Variants in CNTNAP4 observed in about 807,000 individuals in gnomAD.
CNTNAP4 encodes contactin-associated protein-like 4.
A neutral mutation model predicts 148.4 loss-of-function variants in CNTNAP4; 98 were observed. The observed-to-expected ratio is 0.66, with a 90% CI of 0.56 to 0.78. The LOEUF is 0.78. Ranked by LOEUF, CNTNAP4 falls within the 30% of genes least tolerant of loss-of-function variation. CNTNAP4 has a pLI of 0.00. For synonymous variants in CNTNAP4, 730 were observed against 565.1 expected (o/e 1.29, Z -4.14); for missense variants, 1,935 against 1,565.6 (o/e 1.24, Z -3.98).
chr16:76,426,606 A>T (rs941233224), intron 3 of CNTNAP4, among the ~76,000 whole-genome samples: 1 of 152,176 alleles, frequency 6.6e-6, no homozygotes, highest in African/African-American at 2.4e-5. Flanking sequence ...GGGCTGCAGT[A>T]TGTGGGTTTT....
At chr16:76,433,800 G>C (rs937522164) in intron 4 of CNTNAP4, among the ~76,000 whole-genome samples, 1 of 152,102 alleles carries the variant, frequency 6.6e-6, no homozygotes, top group Non-Finnish European at 1.5e-5. Context: ...AAAAGCTGGA[G>C]TAAGGTGAAT....
At chr16:76,515,364 A>G (rs1361611537) in intron 15 of CNTNAP4, among the ~76,000 whole-genome samples, 1 of 152,176 alleles carries the variant, frequency 6.6e-6, no homozygotes, top group Non-Finnish European at 1.5e-5. Flanking sequence ...CATTAAGGTA[A>G]ATGAGGTGGT....
intron 3 of CNTNAP4, among the ~76,000 whole-genome samples, chr16:76,392,787 T>G (rs1281453066): frequency 6.6e-6 from 1 of 152,196 alleles, no homozygotes; most frequent in African/African-American, 2.4e-5. Flanking sequence ...GAACATGTCC[T>G]CATTACCTGG....
In CNTNAP4 at chr16:76,349,639, C is replaced by T. The variant is rs868761748; in HGVS notation, c.197-5679C>T. 8.6e-5 allele frequency among the ~76,000 whole-genome samples: 13 copies of T among 151,826 alleles called. No homozygotes were observed. In the Middle Eastern group the frequency reaches 0.014, roughly 159 times the overall value. ...ACTCTTGGGGAAATCTAGATGAAATCGCATTTGAAAAAAAAGTAATTATCT... is the reference window on the plus strand; with the variant it reads ...ACTCTTGGGGAAATCTAGATGAAATTGCATTTGAAAAAAAAGTAATTATCT... On this transcript the variant is annotated intron_variant, in intron 2 of 23. Transcript: ENST00000611870.
At chr16:76,447,954 A>G (rs1056576563) in intron 4 of CNTNAP4, 58 bp from the exon 5 acceptor site, 7 of 1,289,144 alleles carry the variant, frequency 5.4e-6, no homozygotes, top group Non-Finnish European at 1.1e-6. Context: ...TGCATTTAAA[A>G]TGATTTAATG....
At chr16:76,297,196 T>C (rs1293631836) in intron 1 of CNTNAP4, among the ~76,000 whole-genome samples, 2 of 152,362 alleles carry the variant, frequency 1.3e-5, no homozygotes, top group East Asian at 1.9e-4. Flanking sequence ...TGGCACTGTT[T>C]AGCTAAATCT....
chr16:76,399,717 A>G (rs1483173715), intron 3 of CNTNAP4, among the ~76,000 whole-genome samples: 1 of 152,220 alleles, frequency 6.6e-6, no homozygotes, highest in African/African-American at 2.4e-5. Context: ...AGTTAAAAAG[A>G]AATCTATAAT....
intron 3 of CNTNAP4, among the ~76,000 whole-genome samples, chr16:76,409,765 G>C (rs1163100777): frequency 6.6e-6 from 1 of 151,876 alleles, no homozygotes; most frequent in Non-Finnish European, 1.5e-5. Flanking sequence ...AGCATATAGA[G>C]AGGCGTTGCT....
At position 76,523,875 on chromosome 16, in the gene CNTNAP4, A is replaced by T. The variant is rs113989242; in HGVS notation, c.2755+1618A>T. Among the ~76,000 whole-genome samples, 10 of 152,292 alleles carry T rather than the reference A, an allele frequency of 6.6e-5. 1 individual carries two copies. Among genetic ancestry groups the T allele is most frequent in the African/African-American group, 2.4e-4 (10 of 41,568 alleles). On this transcript the variant is annotated intron_variant, in intron 17 of 23. Coordinates refer to ENST00000611870, the MANE Select transcript of CNTNAP4 (RefSeq NM_033401.5). ...AACCCAGTAATTGGAGGCTGTGGTGAACTATGATCACGCTACTGCACTCCA... is the reference window on the plus strand; with the variant it reads ...AACCCAGTAATTGGAGGCTGTGGTGTACTATGATCACGCTACTGCACTCCA...
In CNTNAP4 at chr16:76,425,863, A is replaced by G. The variant is rs1199097555; in HGVS notation, c.391-1589A>G. ...GTTTAGATTTTGTTCTAAGTGGCAAAGAAAGTGTTGGGGATGGCATAGTTT... is the reference window on the plus strand; with the variant it reads ...GTTTAGATTTTGTTCTAAGTGGCAAGGAAAGTGTTGGGGATGGCATAGTTT... On this transcript the variant is annotated intron_variant, in intron 3 of 23. Coordinates refer to ENST00000611870, the MANE Select transcript of CNTNAP4 (RefSeq NM_033401.5). Among the ~76,000 whole-genome samples the G allele has an allele frequency of 3.9e-5, 6 of 152,286 alleles. No individual in the cohort carries two copies. In the East Asian group the frequency reaches 1.2e-3, roughly 29 times the overall value.
In CNTNAP4 at chr16:76,499,469, A is replaced by G. The variant is rs1384022253; in HGVS notation, c.2365+775A>G. Among the ~76,000 whole-genome samples, 4 of 152,054 alleles carry G rather than the reference A, an allele frequency of 2.6e-5. No homozygotes were observed. The East Asian group carries it at 7.7e-4, about 29-fold the overall frequency. ...GGCTACTAGATTTGGTAATTCAGCC[A>G]GACTTCCTACTAATTTATTACAACG... On this transcript the variant is annotated intron_variant, in intron 15 of 23. Coordinates refer to ENST00000611870, the MANE Select transcript of CNTNAP4 (RefSeq NM_033401.5).
intron 1 of CNTNAP4, among the ~76,000 whole-genome samples, chr16:76,298,515 T>C (rs1028381781): frequency 2.0e-5 from 3 of 149,758 alleles, no homozygotes; most frequent in South Asian, 4.2e-4. Flanking sequence ...TGTGTGTGTG[T>C]GTGTGTGTGT....
chr16:76,454,303 C>A (rs2080638549), intron 8 of CNTNAP4, among the ~76,000 whole-genome samples: 1 of 152,040 alleles, frequency 6.6e-6, no homozygotes, highest in Non-Finnish European at 1.5e-5. Context: ...TTAGTTGAGA[C>A]AGGGTTTCTC....
intron 21 of CNTNAP4, among the ~76,000 whole-genome samples, chr16:76,541,137 T>C (rs941858029): frequency 1.3e-5 from 2 of 152,200 alleles, no homozygotes; most frequent in Non-Finnish European, 2.9e-5. Flanking sequence ...ATATACAAAC[T>C]TTCCTCTAAT....
intron 21 of CNTNAP4, among the ~76,000 whole-genome samples, chr16:76,543,886 T>C (rs1018212683): frequency 3.3e-5 from 5 of 152,168 alleles, no homozygotes; most frequent in Non-Finnish European, 5.9e-5. Flanking sequence ...TCCGCACTTA[T>C]CAAATATGTT....
At chr16:76,407,328 T>C (rs1166744654) in intron 3 of CNTNAP4, among the ~76,000 whole-genome samples, 1 of 152,078 alleles carries the variant, frequency 6.6e-6, no homozygotes, top group Non-Finnish European at 1.5e-5. Context: ...CCCTTGTTTT[T>C]GAAGAAATAC....
rs186301340 is a variant in CNTNAP4 at position 76,521,448 on chromosome 16, T to C, written c.2536+138T>C. The C allele has an allele frequency of 8.0e-3, 4,996 of 624,528 alleles. 31 individuals carry two copies. The highest frequency in any genetic ancestry group is 0.011 in the Non-Finnish European group (4,253 of 387,884). The allele number at this position is 624,528 out of a possible 1,614,324, so 38.7% of individuals were successfully genotyped here. A position where few individuals can be genotyped will look rare whatever the true frequency, so the allele number is the denominator to read the frequency against. On this transcript the variant is annotated intron_variant, in intron 16 of 23. Coordinates refer to ENST00000611870, the MANE Select transcript of CNTNAP4 (RefSeq NM_033401.5). ...CGCCCCTTTGAAAAACTCAATAATA[T>C]TAACTTATCCTGTTTGTAAGAAAAT...
chr16:76,382,189 G>GTAAT, intron 3 of CNTNAP4, among the ~76,000 whole-genome samples: 1 of 150,776 alleles, frequency 6.6e-6, no homozygotes. Flanking sequence ...TTACTGTAGA[G>GTAAT]TAATATACAC....
At chr16:76,309,709 T>C in intron 1 of CNTNAP4, 3 of 590,262 alleles carry the variant, frequency 5.1e-6, no homozygotes, top group Non-Finnish European at 9.2e-6. Flanking sequence ...TCCCACGTGT[T>C]GTGACAGGGA....
Sources: allele counts gnomAD v4.1 joint callset (sites outside exome capture counted in the v4.1 genomes callset), GRCh38; gene constraint gnomAD v4.1.1; transcripts MANE v1.5; gene names NCBI Gene and HGNC (gene_info 2026-07-23, HGNC 2026-07-21).